The following ARID4B variants were observed in gnomAD, a reference collection of about 807,000 sequenced individuals.
ARID4B encodes AT-rich interactive domain-containing protein 4B.
ARID4B carries 26 observed loss-of-function variants against 147.5 expected under a neutral mutation model. The observed-to-expected ratio is 0.18, with a 90% CI of 0.13 to 0.24. The LOEUF is 0.24. Ranked by LOEUF, ARID4B falls within the 10% of genes least tolerant of loss-of-function variation. The pLI is 1.00. For synonymous variants in ARID4B, 512 were observed against 507.9 expected (o/e 1.01, Z -0.11); for missense variants, 1,179 against 1,511.5 (o/e 0.78, Z 3.65).
chr1:235,313,076 T>C (rs549744200), intron 2 of ARID4B, among the ~76,000 whole-genome samples: 12 of 152,188 alleles, frequency 7.9e-5, no homozygotes, highest in Non-Finnish European at 1.3e-4. Flanking sequence ...TGCAGTCTCA[T>C]TCTATCACCT....
intron 2 of ARID4B, among the ~76,000 whole-genome samples, chr1:235,276,190 CA>C (rs1190767913): frequency 0.095 from 5,337 of 56,000 alleles, 268 homozygotes; most frequent in African/African-American, 0.27. Context: ...ACATACGAAG[CA>C]AAAAAAAAAA....
At position 235,182,130 on chromosome 1, in the gene ARID4B, C is replaced by G; in HGVS notation, c.2789G>C (p.Ser930Thr). The change falls in exon 20 of 24, where the codon AGT becomes ACT. Residue 930 changes from serine to threonine, a missense_variant. This residue lies in a region of ARID4B where 8 missense variants were observed against 28.7 expected (regional missense o/e 0.28). Coordinates refer to ENST00000264183, the MANE Select transcript of ARID4B (RefSeq NM_016374.6). ...RAKDRKDVWSSIQGQWPKKTL... is the reference protein window; with the variant it reads ...RAKDRKDVWSTIQGQWPKKTL... ...TTTTTTAGGCCACTGTCCCTGAATA[C>G]TTGACCAGACATCTTTTCGATCTTT... The G allele has an allele frequency of 6.2e-7, 1 of 1,614,188 alleles. No individual in the cohort carries two copies. The highest frequency in any genetic ancestry group is 8.5e-7 in the Non-Finnish European group (1 of 1,180,038).
At chr1:235,314,655 G>A (rs978018008) in intron 2 of ARID4B, among the ~76,000 whole-genome samples, 1 of 152,082 alleles carries the variant, frequency 6.6e-6, no homozygotes, top group African/African-American at 2.4e-5. Flanking sequence ...AGCAGGAAAA[G>A]AAAGGTTAGA....
At chr1:235,206,791 G>A (rs1666333886) in intron 17 of ARID4B, among the ~76,000 whole-genome samples, 2 of 152,192 alleles carry the variant, frequency 1.3e-5, no homozygotes, top group South Asian at 4.1e-4. Context: ...GTGAACAAAA[G>A]GCTGATGAGA....
At chr1:235,219,202 T>G (rs1365049832) in intron 16 of ARID4B, among the ~76,000 whole-genome samples, 1 of 152,020 alleles carries the variant, frequency 6.6e-6, no homozygotes, top group Non-Finnish European at 1.5e-5. Context: ...TGTACTTATT[T>G]AAATGAGACA....
intron 3 of ARID4B, among the ~76,000 whole-genome samples, chr1:235,259,995 T>C (rs1256421041): frequency 8.5e-5 from 13 of 152,244 alleles, no homozygotes; most frequent in Admixed American, 7.9e-4. Context: ...CAATAAATTA[T>C]TGACAAATGA....
At chr1:235,299,455 T>C (rs1190670687) in intron 2 of ARID4B, among the ~76,000 whole-genome samples, 2 of 152,210 alleles carry the variant, frequency 1.3e-5, no homozygotes, top group Non-Finnish European at 2.9e-5. Flanking sequence ...CCTCCCATAG[T>C]ACTCAGATTA....
At chr1:235,192,831 C>T (rs1412728429) in intron 19 of ARID4B, among the ~76,000 whole-genome samples, 2 of 152,120 alleles carry the variant, frequency 1.3e-5, no homozygotes, top group Admixed American at 6.5e-5. Context: ...TCAGGCCAGG[C>T]GCGGTGGCTC....
chr1:235,172,366 C>T (rs1414770024), intron 23 of ARID4B, among the ~76,000 whole-genome samples: 4 of 152,054 alleles, frequency 2.6e-5, no homozygotes. Context: ...CACCTGAGGT[C>T]AGGAGTTAGA....
rs1667039898 is a variant in ARID4B at position 235,215,889 on chromosome 1, G to A, written c.1584-1863C>T. Among the ~76,000 whole-genome samples, 5 of 151,394 alleles carry A rather than the reference G, an allele frequency of 3.3e-5. No individual in the cohort carries two copies. In the South Asian group the frequency reaches 1.0e-3, roughly 32 times the overall value. On this transcript the variant is annotated intron_variant, in intron 16 of 23. Coordinates refer to ENST00000264183, the MANE Select transcript of ARID4B (RefSeq NM_016374.6). ...TAGGTGTGAGCCACTGTGCCCACCTGATGAATATAATATTTATATTAAAAA... is the reference window on the plus strand; with the variant it reads ...TAGGTGTGAGCCACTGTGCCCACCTAATGAATATAATATTTATATTAAAAA...
At chr1:235,260,017 T>C (rs1322522649) in intron 3 of ARID4B, among the ~76,000 whole-genome samples, 1 of 152,224 alleles carries the variant, frequency 6.6e-6, no homozygotes, top group Non-Finnish European at 1.5e-5. Flanking sequence ...TAAATGTCTA[T>C]ATTCAAGTTC....
intron 19 of ARID4B, among the ~76,000 whole-genome samples, chr1:235,189,315 G>A (rs1452618866): frequency 2.0e-5 from 3 of 146,446 alleles, no homozygotes; most frequent in African/African-American, 7.6e-5. Context: ...CAGGAGAATC[G>A]CTTGAACTTG....
chr1:235,214,837 CTTTTTTT>C (rs10657168), intron 16 of ARID4B, among the ~76,000 whole-genome samples: 2 of 102,326 alleles, frequency 2.0e-5, no homozygotes, highest in African/African-American at 3.7e-5. Flanking sequence ...GTATTACATC[CTTTTTTT>C]TTTTTTTTTT....
At chr1:235,264,420 T>C (rs1670472845) in intron 2 of ARID4B, among the ~76,000 whole-genome samples, 1 of 152,136 alleles carries the variant, frequency 6.6e-6, no homozygotes, top group African/African-American at 2.4e-5. Context: ...TAGCTGGGCA[T>C]AAGGTATCAC....
chr1:235,244,047 AAT>A (rs532687187), intron 7 of ARID4B, among the ~76,000 whole-genome samples: 133 of 152,300 alleles, frequency 8.7e-4, no homozygotes, highest in African/African-American at 3.1e-3. Context: ...TACAGATTAA[AAT>A]ATATGAGTAA....
chr1:235,297,850 A>C (rs947316820), intron 2 of ARID4B, among the ~76,000 whole-genome samples: 1 of 152,228 alleles, frequency 6.6e-6, no homozygotes, highest in Admixed American at 6.5e-5. Flanking sequence ...CATCAAATAA[A>C]GGGCATGAAA....
intron 2 of ARID4B, among the ~76,000 whole-genome samples, chr1:235,325,537 C>T (rs577027231): frequency 3.9e-5 from 6 of 152,230 alleles, no homozygotes; most frequent in South Asian, 2.1e-4. Flanking sequence ...TTTATTTATT[C>T]GGCTTCTGAA....
chr1:235,319,356 T>G (rs1674659261), intron 2 of ARID4B, among the ~76,000 whole-genome samples: 1 of 151,746 alleles, frequency 6.6e-6, no homozygotes, highest in South Asian at 2.1e-4. Context: ...CACAGAAAAT[T>G]TAAAAGTTAG....
chr1:235,324,734 C>T (rs1675099755), intron 2 of ARID4B, among the ~76,000 whole-genome samples: 1 of 152,120 alleles, frequency 6.6e-6, no homozygotes, highest in South Asian at 2.1e-4. Context: ...CCCAGAAGTT[C>T]GACACCAGCC....
Sources: allele counts gnomAD v4.1 joint callset (sites outside exome capture counted in the v4.1 genomes callset), GRCh38; gene constraint gnomAD v4.1.1; regional missense constraint gnomAD v4.1.1; transcripts MANE v1.5; gene names NCBI Gene and HGNC (gene_info 2026-07-23, HGNC 2026-07-21).